The following ADGRG2 variants were observed in gnomAD, a reference collection of about 807,000 sequenced individuals.
ADGRG2 encodes the protein adhesion G protein-coupled receptor G2.
A neutral mutation model predicts 74.1 loss-of-function variants in ADGRG2; 26 were observed. That is an observed-to-expected ratio of 0.35 (90% CI 0.26 to 0.49). ADGRG2 has a LOEUF of 0.49. ADGRG2 is among the 20% of genes least tolerant of loss of function. The pLI, the probability that ADGRG2 is intolerant of heterozygous loss-of-function variation, is 0.99. For missense variants in ADGRG2, 619 were observed against 763.1 expected (o/e 0.81, Z 2.22); for synonymous variants, 296 against 295.2 (o/e 1.00, Z -0.03).
intron 4 of ADGRG2, among the ~76,000 whole-genome samples, chrX:19,038,900 A>G (rs1200958102): frequency 8.9e-6 from 1 of 111,988 alleles, no homozygotes; most frequent in Non-Finnish European, 1.9e-5. Context: ...TGTGCCCTAG[A>G]AGCTTAACAA....
intron 1 of ADGRG2, among the ~76,000 whole-genome samples, chrX:19,083,328 G>GT (rs762964831): frequency 3.0e-4 from 33 of 110,359 alleles, no homozygotes; most frequent in Non-Finnish European, 4.7e-4. Flanking sequence ...CCTTGTTAAT[G>GT]TTTTTGTGGC....
chrX:19,007,793 T>G (rs2060267957), intron 19 of ADGRG2, among the ~76,000 whole-genome samples, 187 bp downstream of exon 19: 2 of 112,211 alleles, frequency 1.8e-5, no homozygotes, highest in African/African-American at 6.5e-5. Flanking sequence ...ATATAAATAC[T>G]ATGTAACTGT....
chrX:19,019,704 C>G (rs775517131), intron 14 of ADGRG2, 39 bp from the exon 15 acceptor site: 2 of 769,727 alleles, frequency 2.6e-6, no homozygotes, highest in East Asian at 6.3e-5. Context: ...GAAAAATGCA[C>G]GGTCAAGAAC....
At chrX:19,014,869 A>T (rs774091247) in intron 15 of ADGRG2, among the ~76,000 whole-genome samples, 1 of 111,401 alleles carries the variant, frequency 9.0e-6, no homozygotes, top group African/African-American at 3.3e-5. Context: ...CTGACCTCCG[A>T]TGATCTGCCC....
rs41309669 is a variant in ADGRG2, at chrX:19,007,221, T to C, written c.1689+14A>G. On this transcript the variant is annotated intron_variant, in intron 20 of 28. Coordinates refer to ENST00000379869, the MANE Select transcript of ADGRG2 (RefSeq NM_001079858.3). ...TTCCTGGTCAATGAACAGACGGCAC[T>C]GGCCTCTCCCCACCTGGCTCGGGTT... is the stretch of plus-strand genomic sequence containing the variant. 0.011 allele frequency: 13,212 copies of C among 1,208,010 alleles called. 63 individuals are homozygous for C. The highest frequency in any genetic ancestry group is 0.027 in the Middle Eastern group (117 of 4,273).
At chrX:19,105,656 C>T (rs1006921498) in intron 1 of ADGRG2, among the ~76,000 whole-genome samples, 1 of 110,974 alleles carries the variant, frequency 9.0e-6, no homozygotes, top group Admixed American at 9.6e-5. Context: ...TGCAGCAAAC[C>T]ACCACGGCAC....
At chrX:19,007,869 G>T in intron 19 of ADGRG2, 111 bp downstream of exon 19, 1 of 582,531 alleles carries the variant, frequency 1.7e-6, no homozygotes, top group Non-Finnish European at 2.7e-6. Context: ...GCAGCATTTC[G>T]GCAATTCATT....
At chrX:19,088,251 T>G (rs1219036386) in intron 1 of ADGRG2, among the ~76,000 whole-genome samples, 3 of 112,406 alleles carry the variant, frequency 2.7e-5, no homozygotes, top group Non-Finnish European at 5.6e-5. Context: ...AGTCTGACAT[T>G]AAGCTATATT....
intron 1 of ADGRG2, among the ~76,000 whole-genome samples, chrX:19,087,310 G>A (rs966443343): frequency 7.1e-5 from 8 of 112,778 alleles, no homozygotes; most frequent in Admixed American, 2.8e-4. Context: ...TGCTCTGTAC[G>A]GTTGTGCAGG....
intron 2 of ADGRG2, among the ~76,000 whole-genome samples, chrX:19,080,129 C>T (rs1040390357): frequency 4.6e-5 from 5 of 109,782 alleles, no homozygotes; most frequent in South Asian, 7.9e-4. Context: ...AGGCTGGTCT[C>T]GAACTCCTGA....
At chrX:19,031,767 G>A (rs1315997733) in intron 8 of ADGRG2, 2 of 112,189 alleles carry the variant, frequency 1.8e-5, no homozygotes, top group South Asian at 3.7e-4. Context: ...AACTTTATAC[G>A]TATTAACCTG....
intron 2 of ADGRG2, among the ~76,000 whole-genome samples, chrX:19,071,253 A>G (rs765900834): frequency 1.8e-5 from 2 of 112,021 alleles, no homozygotes; most frequent in South Asian, 3.7e-4. Context: ...CATATCTTAA[A>G]TTAATAAATT....
intron 1 of ADGRG2, among the ~76,000 whole-genome samples, chrX:19,101,101 TTGTGTGTGTGTGTG>T (rs10579733): frequency 0.013 from 1,185 of 89,836 alleles, 26 homozygotes; most frequent in African/African-American, 0.045. Flanking sequence ...AATCATGAGA[TTGTGTGTGTGTGTG>T]TGTGTGTGTG....
At chrX:19,032,305 A>G (rs886444853) in intron 8 of ADGRG2, 1 of 111,697 alleles carries the variant, frequency 9.0e-6, no homozygotes, top group African/African-American at 3.3e-5. Flanking sequence ...CCACACCAAA[A>G]GAGAAATATT....
chrX:19,100,478 T>G (rs182652647), intron 1 of ADGRG2, among the ~76,000 whole-genome samples: 58 of 113,205 alleles, frequency 5.1e-4, no homozygotes, highest in Admixed American at 1.3e-3. Flanking sequence ...GGGCCATGGT[T>G]TGCCAACCCC....
At chrX:19,119,668 T>C (rs780945173) in intron 1 of ADGRG2, among the ~76,000 whole-genome samples, 19 of 111,896 alleles carry the variant, frequency 1.7e-4, no homozygotes, top group Non-Finnish European at 3.2e-4. Flanking sequence ...TTCAGTTTCA[T>C]CTGAGCCGTC....
chrX:19,003,308 G>A (rs1339342190), intron 23 of ADGRG2, among the ~76,000 whole-genome samples, 194 bp from the exon 24 acceptor site: 1 of 110,704 alleles, frequency 9.0e-6, no homozygotes, highest in Non-Finnish European at 1.9e-5. Flanking sequence ...GGGACTACAG[G>A]CGCTCTCTAC....
chrX:19,113,207 A>T (rs775623096), intron 1 of ADGRG2, among the ~76,000 whole-genome samples: 1 of 106,632 alleles, frequency 9.4e-6, no homozygotes, highest in South Asian at 4.2e-4. Flanking sequence ...GCAAAACCCC[A>T]TGTCTACTAA....
chrX:19,014,111 G>A (rs765324404), intron 15 of ADGRG2, 37 bp from the exon 16 acceptor site: 7 of 1,092,875 alleles, frequency 6.4e-6, no homozygotes, highest in Middle Eastern at 2.5e-4. Context: ...TGTGAGACAC[G>A]AATGAGCTAC....
Sources: allele counts gnomAD v4.1 joint callset (sites outside exome capture counted in the v4.1 genomes callset), GRCh38; gene constraint gnomAD v4.1.1; transcripts MANE v1.5; gene names NCBI Gene and HGNC (gene_info 2026-07-23, HGNC 2026-07-21).